ADCY2: variants seen among roughly 807,000 people sequenced by gnomAD.
ADCY2 encodes the protein adenylate cyclase 2, also known as adenylate cyclase type 2.
A neutral mutation model predicts 125.2 loss-of-function variants in ADCY2; 31 were observed. The observed-to-expected ratio is 0.25, with a 90% CI of 0.19 to 0.33. The LOEUF (loss-of-function observed/expected upper bound fraction) is 0.33. Among genes scored for constraint, ADCY2 ranks in the 10% least tolerant of loss-of-function variants. ADCY2 has a pLI of 1.00. For missense variants in ADCY2, 904 were observed against 1,418.2 expected (o/e 0.64, Z 5.82); for synonymous variants, 512 against 548.4 (o/e 0.93, Z 0.93).
intron 4 of ADCY2, among the ~76,000 whole-genome samples, chr5:7,637,451 AGAG>A (rs1430185145): frequency 8.0e-5 from 12 of 149,826 alleles, no homozygotes; most frequent in South Asian, 2.1e-4. Context: ...AAAAAAAAAA[AGAG>A]AAGAAGAAGA....
intron 2 of ADCY2, among the ~76,000 whole-genome samples, chr5:7,416,628 T>G (rs1289478976): frequency 6.6e-6 from 1 of 152,174 alleles, no homozygotes; most frequent in African/African-American, 2.4e-5. Flanking sequence ...ACAGAACTCA[T>G]AAGAGAGCCC....
chr5:7,681,299 A>T (rs1740326968), intron 4 of ADCY2, among the ~76,000 whole-genome samples: 1 of 152,218 alleles, frequency 6.6e-6, no homozygotes, highest in Non-Finnish European at 1.5e-5. Flanking sequence ...TATCAACTAC[A>T]TCAGTGCCCA....
chr5:7,763,585 C>T (rs1743300039), intron 16 of ADCY2, among the ~76,000 whole-genome samples: 1 of 152,184 alleles, frequency 6.6e-6, no homozygotes, highest in Non-Finnish European at 1.5e-5. Context: ...CATCCTCCCT[C>T]TCCCCAGCCC....
intron 4 of ADCY2, chr5:7,684,989 A>G (rs1465128707): frequency 6.6e-6 from 1 of 152,234 alleles, no homozygotes; most frequent in African/African-American, 2.4e-5. Flanking sequence ...TTCCCTCTGC[A>G]CACAGATATG....
intron 18 of ADCY2, among the ~76,000 whole-genome samples, chr5:7,778,712 G>A (rs1172847743): frequency 6.6e-6 from 1 of 152,120 alleles, no homozygotes; most frequent in Non-Finnish European, 1.5e-5. Flanking sequence ...CATGTCTCAT[G>A]GAAATCCCAA....
intron 3 of ADCY2, among the ~76,000 whole-genome samples, chr5:7,593,149 C>T (rs1373757823): frequency 6.6e-6 from 1 of 151,980 alleles, no homozygotes; most frequent in Non-Finnish European, 1.5e-5. Context: ...TCGAGGAAAA[C>T]CTTGAAGGAG....
chr5:7,712,122 C>T (rs188855355), intron 10 of ADCY2, among the ~76,000 whole-genome samples: 35 of 152,128 alleles, frequency 2.3e-4, no homozygotes, highest in African/African-American at 6.8e-4. Flanking sequence ...CTTTCCTTTC[C>T]GTAGGCTAAA....
chr5:7,623,888 CCACA>C (rs1382026058), intron 3 of ADCY2, among the ~76,000 whole-genome samples: 4 of 152,084 alleles, frequency 2.6e-5, no homozygotes, highest in African/African-American at 9.7e-5. Context: ...CACACACAGA[CCACA>C]CACACAGAGC....
chr5:7,461,673 A>T (rs1474842539), intron 2 of ADCY2, among the ~76,000 whole-genome samples: 1 of 152,220 alleles, frequency 6.6e-6, no homozygotes, highest in Non-Finnish European at 1.5e-5. Flanking sequence ...GAAAAATTAC[A>T]TTTGGATTTA....
intron 4 of ADCY2, among the ~76,000 whole-genome samples, chr5:7,654,700 T>A (rs1456559627): frequency 6.6e-6 from 1 of 152,162 alleles, no homozygotes; most frequent in East Asian, 1.9e-4. Flanking sequence ...CCCACCTTCC[T>A]TGCCCTCCAC....
chr5:7,477,540 G>T (rs527412951), intron 2 of ADCY2, among the ~76,000 whole-genome samples: 70 of 151,802 alleles, frequency 4.6e-4, no homozygotes, highest in Non-Finnish European at 8.7e-4. Flanking sequence ...GCACCTGAGA[G>T]GAAATCTCTA....
chr5:7,429,401 C>T (rs764707079), intron 2 of ADCY2, among the ~76,000 whole-genome samples: 1 of 152,150 alleles, frequency 6.6e-6, no homozygotes, highest in African/African-American at 2.4e-5. Context: ...TGAAAAGTCC[C>T]ATTAAACAAG....
At chr5:7,410,735 A>AT (rs1303067371) in intron 1 of ADCY2, among the ~76,000 whole-genome samples, 2 of 152,102 alleles carry the variant, frequency 1.3e-5, no homozygotes, top group Non-Finnish European at 2.9e-5. Flanking sequence ...ATTATATGAT[A>AT]TTTTTTTCCA....
At chr5:7,562,137 C>T (rs1364966463) in intron 3 of ADCY2, among the ~76,000 whole-genome samples, 1 of 151,758 alleles carries the variant, frequency 6.6e-6, no homozygotes, top group Non-Finnish European at 1.5e-5. Context: ...ATAAGAAAAA[C>T]TCTCAATTTT....
At chr5:7,646,135 T>C (rs554865665) in intron 4 of ADCY2, among the ~76,000 whole-genome samples, 2 of 151,968 alleles carry the variant, frequency 1.3e-5, no homozygotes, top group Non-Finnish European at 2.9e-5. Context: ...AAAAAAAACG[T>C]TGGAAGCAAA....
At chr5:7,686,920 C>T (rs1740537829) in intron 4 of ADCY2, among the ~76,000 whole-genome samples, 2 of 152,080 alleles carry the variant, frequency 1.3e-5, no homozygotes, top group Non-Finnish European at 2.9e-5. Flanking sequence ...TTCAATTGCC[C>T]AGCACTGTGA....
At position 7,827,397 on chromosome 5, in the gene ADCY2, T is replaced by C. The variant is rs147605170; in HGVS notation, c.*526T>C. 177 of 153,464 alleles carry C rather than the reference T, an allele frequency of 1.2e-3. No individual in the cohort carries two copies. Among genetic ancestry groups the C allele is most frequent in the Non-Finnish European group, 1.9e-3 (130 of 68,494 alleles). The allele number at this position is 153,464 out of a possible 1,614,324, so 9.5% of individuals were successfully genotyped here. On this transcript the variant is annotated 3_prime_UTR_variant, in exon 25 of 25. Transcript: ENST00000338316. ...TCGTCCCTCTGCTCCGTGTGTCTCA[T>C]GCCAGCAGCACGTCGCCATCCGTCA...
intron 12 of ADCY2, among the ~76,000 whole-genome samples, chr5:7,723,794 A>G (rs4415053): frequency 0.97 from 147,158 of 151,204 alleles, 71,731 homozygotes; most frequent in Middle Eastern, 1. Flanking sequence ...GGTGGCATGC[A>G]CCTGTAGTCC....
chr5:7,546,027 C>G (rs1294068067), intron 3 of ADCY2, among the ~76,000 whole-genome samples: 2 of 152,208 alleles, frequency 1.3e-5, no homozygotes, highest in Non-Finnish European at 2.9e-5. Context: ...TCTTAGGAAG[C>G]CATCCCTTAA....
Sources: allele counts gnomAD v4.1 joint callset (sites outside exome capture counted in the v4.1 genomes callset), GRCh38; gene constraint gnomAD v4.1.1; transcripts MANE v1.5; gene names NCBI Gene and HGNC (gene_info 2026-07-23, HGNC 2026-07-21).